MAP7D1: variants seen among roughly 807,000 people sequenced by gnomAD.
The protein encoded by MAP7D1 is MAP7 domain containing 1, also known as MAP7 domain-containing protein 1.
MAP7D1 carries 30 observed loss-of-function variants against 97.5 expected under a neutral mutation model. The ratio of observed to expected loss-of-function variants is 0.31; its 90% CI spans 0.23 to 0.42. The LOEUF (loss-of-function observed/expected upper bound fraction) is 0.42. MAP7D1 is among the 10% of genes least tolerant of loss of function. The pLI, the probability that MAP7D1 is intolerant of heterozygous loss-of-function variation, is 1.00. For synonymous variants in MAP7D1, 536 were observed against 477.1 expected, an observed-to-expected ratio of 1.12 and a Z score of -1.61; for missense variants, 1,184 against 1,179.5, an observed-to-expected ratio of 1.00 and a Z score of -0.06.
In MAP7D1 at chr1:36,178,058, G is replaced by A. The variant is rs866615299; in HGVS notation, c.1565G>A (p.Gly522Glu). The change falls in exon 9 of 17, where the codon GGG (glycine) becomes GAG (glutamate). Residue 522 changes from glycine to glutamate, a missense_variant. Gly to Glu is a moderately conservative substitution (Grantham distance 98, BLOSUM62 -2). Coordinates refer to ENST00000474796, the MANE Select transcript of MAP7D1 (RefSeq NM_001388490.1). Reference sequence around the variant, plus strand: ...GCAAAGGAGAGCCCCAGCGCCGCAGGGCCCGAGGACAAGAGCCAGAGCAAG... The same window carrying A: ...GCAAAGGAGAGCCCCAGCGCCGCAGAGCCCGAGGACAAGAGCCAGAGCAAG... ...EEAKESPSAA[G>E]PEDKSQSKRR... 1 of 1,612,104 alleles carries A rather than the reference G, an allele frequency of 6.2e-7. No individual in the cohort carries two copies. The highest frequency in any genetic ancestry group is 8.5e-7 in the Non-Finnish European group (1 of 1,179,256).
intron 2 of MAP7D1, 65 bp downstream of exon 2, chr1:36,171,380 C>G (rs1644541111): frequency 6.5e-7 from 1 of 1,537,844 alleles, no homozygotes; most frequent in Admixed American, 1.9e-5. Context: ...CTGGATCATG[C>G]CAACTGAAAG....
chr1:36,162,878 C>G (rs1376845515), intron 1 of MAP7D1, among the ~76,000 whole-genome samples: 3 of 152,192 alleles, frequency 2.0e-5, no homozygotes, highest in Non-Finnish European at 4.4e-5. Flanking sequence ...AGAACTCCCA[C>G]TCTGTGCCAG....
chr1:36,174,870 C>A, intron 5 of MAP7D1, 28 bp from the exon 6 acceptor site: 1 of 1,459,616 alleles, frequency 6.9e-7, no homozygotes, highest in Non-Finnish European at 9.6e-7. Flanking sequence ...CGGGCCCGGC[C>A]CTAATGCCGT....
intron 1 of MAP7D1, among the ~76,000 whole-genome samples, chr1:36,168,028 G>A (rs1280360392): frequency 6.6e-6 from 1 of 152,206 alleles, no homozygotes; most frequent in Admixed American, 6.5e-5. Flanking sequence ...TGGGTGCGGT[G>A]GCTCACGCCT....
At chr1:36,160,079 C>T (rs1171418500) in intron 1 of MAP7D1, among the ~76,000 whole-genome samples, 7 of 152,224 alleles carry the variant, frequency 4.6e-5, no homozygotes, top group African/African-American at 9.6e-5. Flanking sequence ...TACTTGAGGG[C>T]CATCAGGTCA....
chr1:36,173,270 G>A (rs1644572066), intron 4 of MAP7D1, 94 bp from the exon 5 acceptor site: 4 of 863,104 alleles, frequency 4.6e-6, no homozygotes, highest in Non-Finnish European at 7.6e-6. Flanking sequence ...AAGGGAGTGG[G>A]GGAGGCATTG....
chr1:36,158,694 C>T (rs952908557), intron 1 of MAP7D1, among the ~76,000 whole-genome samples: 3 of 152,168 alleles, frequency 2.0e-5, no homozygotes, highest in Admixed American at 1.3e-4. Context: ...CACCAGACAC[C>T]TGCAATAAAG....
chr1:36,176,417 G>C lies in MAP7D1; in HGVS notation c.1069G>C (p.Ala357Pro). 6.5e-7 allele frequency: 1 copy of C among 1,533,736 alleles called. No homozygotes were observed. The highest frequency in any genetic ancestry group is 2.5e-5 in the East Asian group (1 of 39,262). Residue 357 changes from alanine (A) to proline (P), a missense_variant, in exon 7 of 17, where the codon GCC becomes CCC. Transcript: ENST00000474796. This position sits in a 1 kb window ranked among gnomAD's most constrained non-coding sequence, Gnocchi z 6.1. Reference protein sequence around the residue: ...PQPDRTHPSAAVPVCPRSASA... With the variant: ...PQPDRTHPSAPVPVCPRSASA... Reference sequence around the variant, plus strand: ...ACCCGACCGCACTCATCCCTCTGCAGCCGTGCCGGTGTGCCCGCGCTCGGC... The same window carrying C: ...ACCCGACCGCACTCATCCCTCTGCACCCGTGCCGGTGTGCCCGCGCTCGGC...
chr1:36,178,874 G>A (rs1311804986), intron 11 of MAP7D1, 47 bp from the exon 12 acceptor site: 1 of 1,548,716 alleles, frequency 6.5e-7, no homozygotes, highest in Non-Finnish European at 8.7e-7. Flanking sequence ...CGGGCCGGGA[G>A]GGAAGGCTGG....
In MAP7D1 at chr1:36,179,530, G is replaced by A. The variant is rs1644686062; in HGVS notation, c.2200G>A (p.Glu734Lys). 6.3e-7 allele frequency: 1 copy of A among 1,577,366 alleles called. No individual in the cohort carries two copies. The highest frequency in any genetic ancestry group is 8.6e-7 in the Non-Finnish European group (1 of 1,160,586). The change falls in exon 14 of 17, where the codon GAG becomes AAG. Residue 734 changes from glutamate to lysine, a missense_variant. Glu to Lys is a moderately conservative substitution (Grantham distance 56). Transcript: ENST00000474796. ...TTCAAAGCAGAAGCAGGACAGCAAG[G>A]AGGCCAACGCCAACGGTTCCAGCCC... ...VSETKKQDSK[E>K]ANANGSSPEP...
intron 4 of MAP7D1, 110 bp from the exon 5 acceptor site, chr1:36,173,254 C>T: frequency 1.3e-6 from 1 of 778,570 alleles, no homozygotes. Flanking sequence ...GAAAAGACTC[C>T]AAGGGAAGGG....
chr1:36,168,859 T>C (rs1338792456), intron 1 of MAP7D1, among the ~76,000 whole-genome samples: 1 of 152,164 alleles, frequency 6.6e-6, no homozygotes, highest in Non-Finnish European at 1.5e-5. Flanking sequence ...AGCTGAATGA[T>C]CTCAAATTAC....
At chr1:36,171,356 T>C (rs994568914) in intron 2 of MAP7D1, 41 bp downstream of exon 2, 8 of 1,541,274 alleles carry the variant, frequency 5.2e-6, no homozygotes, top group South Asian at 1.2e-5. Flanking sequence ...ACCTCTTGGC[T>C]CAGGGTCCTG....
rs1331389318 is a variant in MAP7D1 at position 36,179,553 on chromosome 1, C to G, written c.2223C>G (p.Ser741Arg). The change falls in exon 14 of 17, where the codon AGC becomes AGG. Residue 741 changes from serine to arginine, a missense_variant. Transcript: ENST00000474796. Reference protein sequence around the residue: ...DSKEANANGSSPEPVKAVEAR... With the variant: ...DSKEANANGSRPEPVKAVEAR... ...AGGAGGCCAACGCCAACGGTTCCAGCCCAGGTAAAGCCCCCATTCCTCTCG... is the reference window on the plus strand; with the variant it reads ...AGGAGGCCAACGCCAACGGTTCCAGGCCAGGTAAAGCCCCCATTCCTCTCG... 1 of 1,569,408 alleles carries G rather than the reference C, an allele frequency of 6.4e-7. No homozygotes were observed. Among genetic ancestry groups the G allele is most frequent in the Non-Finnish European group, 8.6e-7 (1 of 1,156,078 alleles).
intron 12 of MAP7D1, 41 bp downstream of exon 12, chr1:36,179,066 C>A (rs1188337601): frequency 1.4e-6 from 2 of 1,419,914 alleles, no homozygotes; most frequent in Non-Finnish European, 1.9e-6. Flanking sequence ...GGGGCCTGGG[C>A]AGGGCGGGCC....
intron 1 of MAP7D1, among the ~76,000 whole-genome samples, chr1:36,163,156 G>A (rs1435695335): frequency 1.3e-5 from 2 of 152,096 alleles, no homozygotes. Flanking sequence ...TGAGGGACTT[G>A]GCCCTGATCT....
chr1:36,177,848 C>A, intron 8 of MAP7D1, 25 bp from the exon 9 acceptor site: 1 of 1,524,418 alleles, frequency 6.6e-7, no homozygotes, highest in Non-Finnish European at 8.8e-7. Flanking sequence ...GTCTCCTAAC[C>A]CTTCCCTTTT....
At position 36,178,427 on chromosome 1, in the gene MAP7D1, G is replaced by A. The variant is rs1314033196; in HGVS notation, c.1717G>A (p.Val573Ile). 2 of 1,610,752 alleles carry A rather than the reference G, an allele frequency of 1.2e-6. No individual in the cohort carries two copies. Among genetic ancestry groups the A allele is most frequent in the Non-Finnish European group, 8.5e-7 (1 of 1,179,466 alleles). Residue 573 changes from valine (V) to isoleucine (I), a missense_variant, in exon 10 of 17, where the codon GTC (valine) becomes ATC (isoleucine). Val to Ile is a conservative substitution (Grantham distance 29). Transcript: ENST00000474796. ...PPAETPTDAA[V>I]LTSPPAPAPP... ...CCCGGATCCCCCTCCAGACGCTGCT[G>A]TCTTGACCTCACCCCCAGCCCCTGC...
intron 1 of MAP7D1, among the ~76,000 whole-genome samples, chr1:36,158,655 G>T (rs1007922730): frequency 4.6e-5 from 7 of 152,206 alleles, no homozygotes; most frequent in Non-Finnish European, 1.0e-4. Context: ...GGTTAGAGAT[G>T]ATTTAACTCA....
Sources: allele counts gnomAD v4.1 joint callset (sites outside exome capture counted in the v4.1 genomes callset), GRCh38; gene constraint gnomAD v4.1.1; non-coding constraint Gnocchi (gnomAD v3.1); transcripts MANE v1.5; gene names NCBI Gene and HGNC (gene_info 2026-07-23, HGNC 2026-07-21).